SPAG6: variants seen among roughly 807,000 people sequenced by gnomAD.
SPAG6 encodes sperm-associated antigen 6.
In SPAG6, 49 loss-of-function variants were observed where a neutral mutation model predicts 58.5. The observed-to-expected ratio is 0.84, with a 90% CI of 0.67 to 1.06. SPAG6 has a LOEUF of 1.06. Among genes scored for constraint, SPAG6 ranks in the 50% least tolerant of loss-of-function variants. The pLI, the probability that SPAG6 is intolerant of heterozygous loss-of-function variation, is 0.00. For missense variants in SPAG6, 560 were observed against 611.3 expected, an observed-to-expected ratio of 0.92 and a Z score of 0.89; for synonymous variants, 233 against 225.6, an observed-to-expected ratio of 1.03 and a Z score of -0.29.
At chr10:22,351,874 G>A (rs190516430) in intron 2 of SPAG6, among the ~76,000 whole-genome samples, 2 of 152,196 alleles carry the variant, frequency 1.3e-5, no homozygotes, top group East Asian at 3.9e-4. Flanking sequence ...TTTAGTTTCT[G>A]TTAAAAGTCT....
At chr10:22,346,593 T>C (rs1020989092) in intron 2 of SPAG6, among the ~76,000 whole-genome samples, 3 of 151,844 alleles carry the variant, frequency 2.0e-5, no homozygotes, top group African/African-American at 7.3e-5. Flanking sequence ...AACTGTAAGG[T>C]AGCATTTTAT....
At chr10:22,370,421 T>C (rs992884836) in intron 4 of SPAG6, among the ~76,000 whole-genome samples, 1 of 152,194 alleles carries the variant, frequency 6.6e-6, no homozygotes, top group Non-Finnish European at 1.5e-5. Flanking sequence ...TTAGAAAGGA[T>C]ATCCAAAATT....
chr10:22,395,140 C>G (rs531425448), intron 8 of SPAG6, among the ~76,000 whole-genome samples: 1 of 152,174 alleles, frequency 6.6e-6, no homozygotes, highest in African/African-American at 2.4e-5. Flanking sequence ...TTTGTTTATC[C>G]ATTTACCAGC....
At chr10:22,388,897 G>A (rs895311594) in intron 6 of SPAG6, among the ~76,000 whole-genome samples, 4 of 152,088 alleles carry the variant, frequency 2.6e-5, no homozygotes, top group Non-Finnish European at 4.4e-5. Flanking sequence ...GAGGAATTTT[G>A]ACATCCATTA....
At chr10:22,375,437 G>A (rs2132064179) in intron 4 of SPAG6, among the ~76,000 whole-genome samples, 1 of 152,244 alleles carries the variant, frequency 6.6e-6, no homozygotes, top group Non-Finnish European at 1.5e-5. Flanking sequence ...ACAGTCTACA[G>A]GAAAATAGGA....
At chr10:22,397,787 C>T (rs1009158536) in intron 8 of SPAG6, among the ~76,000 whole-genome samples, 1 of 151,972 alleles carries the variant, frequency 6.6e-6, no homozygotes, top group Non-Finnish European at 1.5e-5. Flanking sequence ...TGAGACATTC[C>T]ATGTTCATGG....
At chr10:22,370,884 T>A (rs1203370893) in intron 4 of SPAG6, among the ~76,000 whole-genome samples, 1 of 152,148 alleles carries the variant, frequency 6.6e-6, no homozygotes, top group Non-Finnish European at 1.5e-5. Context: ...AGGGACACAT[T>A]ACAGATTATA....
At chr10:22,378,417 G>GTTTT (rs35036098) in intron 4 of SPAG6, among the ~76,000 whole-genome samples, 1 of 133,314 alleles carries the variant, frequency 7.5e-6, no homozygotes, top group African/African-American at 2.7e-5. Context: ...GTCTGGGCAG[G>GTTTT]TTTTTTTTTT....
intron 2 of SPAG6, among the ~76,000 whole-genome samples, chr10:22,364,314 A>G (rs1283606956): frequency 6.6e-6 from 1 of 152,194 alleles, no homozygotes; most frequent in Non-Finnish European, 1.5e-5. Context: ...GATAAATATG[A>G]GCTACTTTTA....
intron 10 of SPAG6, among the ~76,000 whole-genome samples, chr10:22,411,846 T>A (rs951822895): frequency 2.7e-5 from 3 of 110,654 alleles, no homozygotes; most frequent in African/African-American, 1.3e-4. Context: ...GAATCTTTTT[T>A]TTTTTTTTTT....
rs1415869163 is a variant in SPAG6 at position 22,375,539 on chromosome 10, G to A, written c.472+6861G>A. ...ATCAGGGTTTTAGATGAATGAACTA[G>A]TTTGCTCTAAAAGTGTGGAATAAGT... On this transcript the variant is annotated intron_variant, in intron 4 of 10. Coordinates refer to ENST00000376624, the MANE Select transcript of SPAG6 (RefSeq NM_012443.4). Among the ~76,000 whole-genome samples, 6 of 150,388 alleles carry A rather than the reference G, an allele frequency of 4.0e-5. No individual in the cohort carries two copies. The South Asian group carries it at 1.0e-3, about 26-fold the overall frequency.
chr10:22,346,390 G>T lies in SPAG6; in HGVS notation c.121+572G>T, dbSNP rs897683046. Among the ~76,000 whole-genome samples the T allele has an allele frequency of 2.6e-5, 4 of 151,362 alleles. No individual in the cohort carries two copies. In the East Asian group the frequency reaches 5.8e-4, roughly 22 times the overall value. ...AGAGAGGGGGAGAGGGAGGGAGAGA[G>T]ATCTTCTTATCTCATAACATAAACT... On this transcript the variant is annotated intron_variant, in intron 2 of 10. Coordinates refer to ENST00000376624, the MANE Select transcript of SPAG6 (RefSeq NM_012443.4).
rs1156816374 is a variant in SPAG6 at position 22,368,656 on chromosome 10, A to T, written c.450A>T (p.Arg150Ser). ...GVKEAAAWAL[R>S]YIARHNAELS... ...AGGAGGCTGCAGCCTGGGCACTTAG[A>T]TATATTGCAAGACATAATGCAGGTA... Residue 150 changes from arginine (R) to serine (S), a missense_variant, in exon 4 of 11, where the codon AGA becomes AGT. Arg to Ser is a moderately radical substitution (Grantham distance 110). Coordinates refer to ENST00000376624, the MANE Select transcript of SPAG6 (RefSeq NM_012443.4). 6.2e-7 allele frequency: 1 copy of T among 1,613,256 alleles called. No individual in the cohort carries two copies.
chr10:22,370,892 A>G lies in SPAG6; in HGVS notation c.472+2214A>G, dbSNP rs925909354. 2.6e-5 allele frequency among the ~76,000 whole-genome samples: 4 copies of G among 152,220 alleles called. No homozygotes were observed. The East Asian group carries it at 5.8e-4, about 22-fold the overall frequency. ...AAGTCAGAGGGACACATTACAGATTATAACATGAGTGTTGGAAAAGAGCTT... is the reference window on the plus strand; with the variant it reads ...AAGTCAGAGGGACACATTACAGATTGTAACATGAGTGTTGGAAAAGAGCTT... On this transcript the variant is annotated intron_variant, in intron 4 of 10. Transcript: ENST00000376624.
At chr10:22,389,037 C>G in intron 6 of SPAG6, 123 bp from the exon 7 acceptor site, 2 of 698,942 alleles carry the variant, frequency 2.9e-6, no homozygotes, top group Non-Finnish European at 4.5e-6. Context: ...ATAATAATTT[C>G]ACTAAATGAT....
intron 2 of SPAG6, among the ~76,000 whole-genome samples, chr10:22,349,219 G>GT (rs1048468677): frequency 7.4e-4 from 108 of 145,762 alleles, no homozygotes; most frequent in South Asian, 1.1e-3. Flanking sequence ...ACCTTGAGGT[G>GT]TTTTTTTTTT....
intron 5 of SPAG6, 41 bp downstream of exon 5, chr10:22,387,000 T>C (rs1834081012): frequency 1.4e-6 from 2 of 1,475,312 alleles, no homozygotes; most frequent in Non-Finnish European, 1.9e-6. Flanking sequence ...AGCCTTCTTA[T>C]AATGTAAGAA....
chr10:22,351,010 T>G (rs1836712946), intron 2 of SPAG6, among the ~76,000 whole-genome samples: 1 of 152,248 alleles, frequency 6.6e-6, no homozygotes, highest in South Asian at 2.1e-4. Flanking sequence ...CTCTTTCTAC[T>G]TTAACTTGTA....
chr10:22,348,520 C>T (rs1836629688), intron 2 of SPAG6, among the ~76,000 whole-genome samples: 1 of 152,040 alleles, frequency 6.6e-6, no homozygotes, highest in South Asian at 2.1e-4. Flanking sequence ...TTTTTCCCTC[C>T]AATATGCTAA....
Sources: allele counts gnomAD v4.1 joint callset (sites outside exome capture counted in the v4.1 genomes callset), GRCh38; gene constraint gnomAD v4.1.1; transcripts MANE v1.5; gene names NCBI Gene and HGNC (gene_info 2026-07-23, HGNC 2026-07-21).